Variants in FRAS1 observed in about 807,000 individuals in gnomAD.
FRAS1 encodes extracellular matrix organizing protein FRAS1.
A neutral mutation model predicts 435.2 loss-of-function variants in FRAS1; 290 were observed. The observed-to-expected ratio is 0.67, with a 90% CI of 0.61 to 0.73. FRAS1 has a LOEUF of 0.73. Ranked by LOEUF, FRAS1 falls within the 30% of genes least tolerant of loss-of-function variation. The pLI, the probability that FRAS1 is intolerant of heterozygous loss-of-function variation, is 0.00. For synonymous variants in FRAS1, 1,800 were observed against 1,851.0 expected (o/e 0.97, Z 0.71); for missense variants, 4,860 against 5,001.5 (o/e 0.97, Z 0.85).
intron 18 of FRAS1, chr4:78,319,557 T>C (rs1352916064): frequency 5.7e-6 from 2 of 351,980 alleles, no homozygotes; most frequent in African/African-American, 4.3e-5. Context: ...GTTGGGTGAA[T>C]AGTTTGACTC....
intron 2 of FRAS1, among the ~76,000 whole-genome samples, chr4:78,095,222 G>C (rs984981037): frequency 2.6e-5 from 4 of 152,276 alleles, no homozygotes; most frequent in East Asian, 3.9e-4. Flanking sequence ...CTAGATCCTG[G>C]TTGGTTAGGT....
chr4:78,068,874 T>C (rs1740191103), intron 2 of FRAS1, among the ~76,000 whole-genome samples: 1 of 152,222 alleles, frequency 6.6e-6, no homozygotes, highest in African/African-American at 2.4e-5. Flanking sequence ...ACTTGGTTTA[T>C]TATCTACATC....
At chr4:78,473,909 A>T (rs1413746637) in intron 53 of FRAS1, among the ~76,000 whole-genome samples, 1 of 152,190 alleles carries the variant, frequency 6.6e-6, no homozygotes, top group Non-Finnish European at 1.5e-5. Flanking sequence ...CACATAGCTA[A>T]TAAGAAGTAA....
chr4:78,451,762 C>G lies in FRAS1; in HGVS notation c.6464-10C>G. On this transcript the variant is annotated splice_polypyrimidine_tract_variant and intron_variant, in intron 45 of 73. Transcript: ENST00000512123. ...TAATAGCAAATCTTGATTTTTTTTC[C>G]TTTTTATAGGCCACGTAGAATATAG... The G allele has an allele frequency of 1.3e-6, 2 of 1,574,374 alleles. No homozygotes were observed. Among genetic ancestry groups the G allele is most frequent in the Non-Finnish European group, 1.7e-6 (2 of 1,165,580 alleles).
At chr4:78,493,347 A>G (rs1264008362) in intron 59 of FRAS1, among the ~76,000 whole-genome samples, 1 of 152,242 alleles carries the variant, frequency 6.6e-6, no homozygotes, top group Non-Finnish European at 1.5e-5. Flanking sequence ...ATAAAGACAC[A>G]TGCACATGTA....
At position 78,387,340 on chromosome 4, in the gene FRAS1, C is replaced by G. The variant is rs747472640; in HGVS notation, c.3649-35C>G. 4 of 1,504,476 alleles carry G rather than the reference C, an allele frequency of 2.7e-6. No homozygotes were observed. In the East Asian group the frequency reaches 9.1e-5, roughly 34 times the overall value. 93.2% of individuals were successfully genotyped at this position (1,504,476 alleles called of 1,614,324 possible). ...GTCCACTGGATTGTCCTTTCTTTCC[C>G]TCTTAACTGACTCTTCTTCCCTTCA... On this transcript the variant is annotated intron_variant, in intron 28 of 73. Coordinates refer to ENST00000512123, the MANE Select transcript of FRAS1 (RefSeq NM_025074.7).
intron 9 of FRAS1, among the ~76,000 whole-genome samples, chr4:78,275,163 C>T (rs1028404186): frequency 6.6e-6 from 1 of 152,076 alleles, no homozygotes; most frequent in African/African-American, 2.4e-5. Context: ...TTTCCATTTG[C>T]TTGGTAGATC....
In FRAS1 at chr4:78,360,056, A is replaced by C. The variant is rs544103388; in HGVS notation, c.2423-3457A>C. Among the ~76,000 whole-genome samples the C allele has an allele frequency of 2.0e-5, 3 of 152,278 alleles. No homozygotes were observed. The East Asian group carries it at 5.8e-4, about 29-fold the overall frequency. On this transcript the variant is annotated intron_variant, in intron 20 of 73. Coordinates refer to ENST00000512123, the MANE Select transcript of FRAS1 (RefSeq NM_025074.7). ...CTGGTTTGAGAACTCCAGAGACTTG[A>C]TTAGGAGGATAGAAAAAGTTAAAGG... is the stretch of plus-strand genomic sequence containing the variant.
intron 29 of FRAS1, among the ~76,000 whole-genome samples, chr4:78,395,453 G>A (rs555334777): frequency 2.0e-5 from 3 of 151,850 alleles, no homozygotes; most frequent in Non-Finnish European, 2.9e-5. Flanking sequence ...TGTTAAAAGT[G>A]GGGTATTGAA....
intron 66 of FRAS1, among the ~76,000 whole-genome samples, chr4:78,518,534 A>G (rs2109891664): frequency 6.6e-6 from 1 of 151,620 alleles, no homozygotes; most frequent in South Asian, 2.1e-4. Context: ...ACACACACAT[A>G]TACAGCTAGC....
Position 78,057,914 on chromosome 4 carries a change from T to G in FRAS1, c.-96T>G. 1 of 1,163,268 alleles carries G rather than the reference T, an allele frequency of 8.6e-7. No homozygotes were observed. The allele number at this position is 1,163,268 out of a possible 1,614,324, so 72.1% of individuals were successfully genotyped here. On this transcript the variant is annotated 5_prime_UTR_variant, in exon 1 of 74. Coordinates refer to ENST00000512123, the MANE Select transcript of FRAS1 (RefSeq NM_025074.7). This position sits in a 1 kb window ranked among gnomAD's most constrained non-coding sequence, Gnocchi z 4.2. Reference sequence around the variant, plus strand: ...AAGGCCCGCGGTCCCCCACCTTCAGTGCGCCCGGGTTCCAAGCGCCGGAGC... The same window carrying G: ...AAGGCCCGCGGTCCCCCACCTTCAGGGCGCCCGGGTTCCAAGCGCCGGAGC...
rs1019777215 is a variant in FRAS1, at chr4:78,432,449, G to A, written c.5062G>A (p.Val1688Ile). 1.9e-6 allele frequency: 3 copies of A among 1,613,158 alleles called. No homozygotes were observed. The African/African-American group carries it at 4.0e-5, about 22-fold the overall frequency. ...CCGGGAAGACAGCATGGAGATCTCA[G>A]TCACAGATGGCCTCACAGTGACAAT... Reference protein sequence around the residue: ...STREDSMEISVTDGLTVTMLE... With the variant: ...STREDSMEISITDGLTVTMLE... The change falls in exon 38 of 74, where the codon GTC becomes ATC. Residue 1688 changes from valine to isoleucine, a missense_variant. Physicochemically the swap from Val to Ile is conservative, Grantham distance 29. Transcript: ENST00000512123.
intron 55 of FRAS1, among the ~76,000 whole-genome samples, chr4:78,478,698 C>G (rs1186652343): frequency 1.3e-5 from 2 of 152,186 alleles, no homozygotes; most frequent in African/African-American, 2.4e-5. Context: ...AAAGGCACAA[C>G]AAGACTGTAA....
chr4:78,452,221 G>C lies in FRAS1; in HGVS notation c.6630G>C (p.Leu2210Phe). 6.2e-7 allele frequency: 1 copy of C among 1,613,792 alleles called. No homozygotes were observed. The highest frequency in any genetic ancestry group is 8.5e-7 in the Non-Finnish European group (1 of 1,179,740). ...PVITTNKGLV[L>F]DENSVKKITT... ...TCACCACCAATAAAGGACTGGTCTT[G>C]GATGAAAACTCAGTGAAGAAAATCA... is the stretch of plus-strand genomic sequence containing the variant. Residue 2210 changes from leucine to phenylalanine, a missense_variant, in exon 47 of 74, where the codon TTG becomes TTC. By Grantham distance (22) the Leu-to-Phe change is conservative (BLOSUM62 0). Coordinates refer to ENST00000512123, the MANE Select transcript of FRAS1 (RefSeq NM_025074.7).
At chr4:78,290,254 C>T (rs1012388987) in intron 14 of FRAS1, among the ~76,000 whole-genome samples, 6 of 152,116 alleles carry the variant, frequency 3.9e-5, no homozygotes, top group African/African-American at 7.2e-5. Context: ...CATTTTTATA[C>T]GTGTATCAAT....
intron 2 of FRAS1, among the ~76,000 whole-genome samples, chr4:78,199,893 A>G (rs1051414961): frequency 4.6e-5 from 7 of 152,198 alleles, no homozygotes; most frequent in Non-Finnish European, 1.0e-4. Context: ...AGTTAGCCCT[A>G]ATGATGATGG....
At chr4:78,539,722 T>C (rs1468740047) in intron 73 of FRAS1, among the ~76,000 whole-genome samples, 1 of 152,204 alleles carries the variant, frequency 6.6e-6, no homozygotes, top group Non-Finnish European at 1.5e-5. Context: ...TAAGTTCTTT[T>C]ATATTGCATC....
intron 32 of FRAS1, among the ~76,000 whole-genome samples, chr4:78,414,968 G>T (rs988493781): frequency 6.6e-6 from 1 of 152,324 alleles, no homozygotes; most frequent in Non-Finnish European, 1.5e-5. Context: ...GGTCACAGAA[G>T]CTTCCTCTGG....
intron 2 of FRAS1, among the ~76,000 whole-genome samples, chr4:78,217,908 C>G (rs866146856): frequency 3.4e-5 from 1 of 29,448 alleles, no homozygotes; most frequent in Non-Finnish European, 7.0e-5. Flanking sequence ...CTTCCCCTCC[C>G]CCTCTCCTCT....
Sources: gnomAD v4.1 joint callset for allele counts (sites outside exome capture counted in the v4.1 genomes callset) on GRCh38, gnomAD v4.1.1 for gene constraint, Gnocchi (gnomAD v3.1) non-coding constraint, MANE v1.5 for transcripts, NCBI Gene and HGNC (gene_info 2026-07-23, HGNC 2026-07-21) for gene names.